Variants in AMY2B observed in about 807,000 individuals in gnomAD.
The protein encoded by AMY2B is amylase alpha 2B.
A neutral mutation model predicts 59.3 loss-of-function variants in AMY2B; 63 were observed. That is an observed-to-expected ratio of 1.06 (90% CI 0.87 to 1.31). The LOEUF is 1.31. AMY2B is among the 50% of genes most tolerant of loss of function. The pLI, the probability that AMY2B is intolerant of heterozygous loss-of-function variation, is 0.00. For missense variants in AMY2B, 635 were observed against 626.7 expected, an observed-to-expected ratio of 1.01 and a Z score of -0.14; for synonymous variants, 180 against 198.1, an observed-to-expected ratio of 0.91 and a Z score of 0.77.
At chr1:103,555,873 C>G (rs1444543071) in intron 1 of AMY2B, among the ~76,000 whole-genome samples, 1 of 151,954 alleles carries the variant, frequency 6.6e-6, no homozygotes, top group South Asian at 2.1e-4. Context: ...CAGACTGATT[C>G]AGTAGAGAGA....
chr1:103,555,460 G>GT lies in AMY2B; in HGVS notation c.-207+357dup, dbSNP rs1239014908. Among the ~76,000 whole-genome samples the GT allele has an allele frequency of 2.6e-5, 4 of 151,820 alleles. No individual in the cohort carries two copies. In the East Asian group the frequency reaches 7.7e-4, roughly 29 times the overall value. ...GGCTTTGAGTTTTACTGGGCTTTTG[G>GT]TTTTTTGGAAATGGGGGTTTATCCC... is the stretch of plus-strand genomic sequence containing the variant. On this transcript the variant is annotated intron_variant, in intron 1 of 11. Coordinates refer to the AMY2B transcript ENST00000361355.
At chr1:103,571,303 T>C (rs1159706297), upstream of AMY2B, 3 of 789,704 alleles carry the variant, frequency 3.8e-6, no homozygotes, top group Non-Finnish European at 5.4e-6. Flanking sequence ...ACAACAAATT[T>C]TGGTTTTCTA....
At position 103,571,960 on chromosome 1, in the gene AMY2B, A is replaced by C. The variant is rs866767479; in HGVS notation, c.169-150A>C. 9.0e-5 allele frequency: 138 copies of C among 1,534,762 alleles called. No individual in the cohort carries two copies. The Middle Eastern group carries it at 1.7e-3, about 19-fold the overall frequency. The stretch of plus-strand genomic sequence containing the variant: ...TTTGTTTCTGAGATAATCTTTCTTC[A>C]ACAAGAGCCCTCCAATGTGCTGTTA... On this transcript the variant is annotated intron_variant, in intron 1 of 9. Coordinates refer to ENST00000684275, the MANE Select transcript of AMY2B (RefSeq NM_001387437.1).
intron 7 of AMY2B, chr1:103,575,776 G>C: frequency 1.6e-5 from 5 of 318,382 alleles, no homozygotes; most frequent in Non-Finnish European, 1.6e-5. Flanking sequence ...TAGCCCACAG[G>C]AAAAAAAAAA....
In AMY2B at chr1:103,579,349, G is replaced by C. The variant is rs758807572; in HGVS notation, c.1385G>C (p.Gly462Ala). 1.9e-6 allele frequency: 3 copies of C among 1,611,708 alleles called. No individual in the cohort carries two copies. Among genetic ancestry groups the C allele is most frequent in the East Asian group, 2.2e-5 (1 of 44,828 alleles). ...ACTTTGCAAACTGGTCTTCCTGCTG[G>C]CACATACTGTGATGTCATTTCTGGA... ...SLTLQTGLPA[G>A]TYCDVISGDK... Residue 462 changes from glycine to alanine, a missense_variant, in exon 10 of 10, where the codon GGC (glycine) becomes GCC (alanine). Physicochemically the swap from Gly to Ala is moderately conservative, Grantham distance 60 (BLOSUM62 0). Coordinates refer to ENST00000684275, the MANE Select transcript of AMY2B (RefSeq NM_001387437.1).
chr1:103,574,133 A>G (rs1359210637), intron 4 of AMY2B, 127 bp from the exon 5 acceptor site: 3 of 1,485,808 alleles, frequency 2.0e-6, no homozygotes, highest in Non-Finnish European at 2.7e-6. Context: ...AAAAGAAATA[A>G]TAAATAGCTT....
upstream of AMY2B, among the ~76,000 whole-genome samples, chr1:103,566,957 G>A (rs1481215612): frequency 6.6e-6 from 1 of 152,070 alleles, no homozygotes; most frequent in African/African-American, 2.4e-5. Context: ...ATAAGACAAT[G>A]TCAATCATTT....
Position 103,575,429 on chromosome 1 carries a change from T to C in AMY2B, c.1002-12T>C. 6.2e-7 allele frequency: 1 copy of C among 1,613,454 alleles called. No homozygotes were observed. Among genetic ancestry groups the C allele is most frequent in the South Asian group, 1.1e-5 (1 of 90,914 alleles). ...CTGATATTCTGTGATAATATAATTA[T>C]GTAACTTTCAGGCTGTATAAAATGG... On this transcript the variant is annotated splice_polypyrimidine_tract_variant and intron_variant, in intron 6 of 9. Transcript: ENST00000684275.
At chr1:103,570,167 G>A (rs532769149), upstream of AMY2B, 195 of 463,032 alleles carry the variant, frequency 4.2e-4, 2 homozygotes, top group African/African-American at 2.9e-3. Context: ...ACTGCCGAGC[G>A]GGAGATCAGA....
At chr1:103,561,361 G>A (rs1255262842) in intron 1 of AMY2B, among the ~76,000 whole-genome samples, 2 of 152,012 alleles carry the variant, frequency 1.3e-5, no homozygotes, top group African/African-American at 2.4e-5. Context: ...TCCACCTCCT[G>A]GGTTCAAGCA....
intron 1 of AMY2B, 123 bp downstream of exon 1, chr1:103,571,893 T>C: frequency 1.4e-5 from 23 of 1,587,866 alleles, no homozygotes; most frequent in Middle Eastern, 2.3e-4. Flanking sequence ...AGTAAGAGTT[T>C]TCTGAGGAAA....
Position 103,571,711 on chromosome 1 carries a change from G to A in AMY2B, c.109G>A (p.Val37Ile). ...SIVHLFEWRW[V>I]DIALECERYL... Reference sequence around the variant, plus strand: ...TGTTCATCTGTTTGAATGGCGATGGGTTGATATTGCTCTTGAATGTGAGCG... The same window carrying A: ...TGTTCATCTGTTTGAATGGCGATGGATTGATATTGCTCTTGAATGTGAGCG... Residue 37 changes from valine to isoleucine, a missense_variant, in exon 1 of 10, where the codon GTT becomes ATT. Val to Ile is a conservative substitution (Grantham distance 29). Coordinates refer to ENST00000684275, the MANE Select transcript of AMY2B (RefSeq NM_001387437.1). 4.3e-6 allele frequency: 7 copies of A among 1,611,948 alleles called. No homozygotes were observed. The highest frequency in any genetic ancestry group is 5.9e-6 in the Non-Finnish European group (7 of 1,179,826).
chr1:103,556,172 A>T (rs1651540558), intron 1 of AMY2B, among the ~76,000 whole-genome samples: 1 of 151,736 alleles, frequency 6.6e-6, no homozygotes, highest in Non-Finnish European at 1.5e-5. Flanking sequence ...GTAGGAAAGT[A>T]AACATACTCT....
At chr1:103,555,458 T>TAA (rs1651519715) in intron 1 of AMY2B, among the ~76,000 whole-genome samples, 1 of 152,120 alleles carries the variant, frequency 6.6e-6, no homozygotes, top group Non-Finnish European at 1.5e-5. Context: ...ACTGGGCTTT[T>TAA]GGTTTTTTGG....
At chr1:103,567,577 C>T (rs898352754), upstream of AMY2B, among the ~76,000 whole-genome samples, 4 of 152,176 alleles carry the variant, frequency 2.6e-5, no homozygotes, top group Non-Finnish European at 5.9e-5. Context: ...AGCCACTCAC[C>T]TCTTTCCTGG....
At chr1:103,564,700 A>C (rs929257228) in intron 1 of AMY2B, among the ~76,000 whole-genome samples, 1 of 152,106 alleles carries the variant, frequency 6.6e-6, no homozygotes, top group South Asian at 2.1e-4. Flanking sequence ...TGTTCTGTTC[A>C]GTGTCTGTGT....
intron 1 of AMY2B, among the ~76,000 whole-genome samples, chr1:103,563,971 G>T (rs1363557369): frequency 1.3e-5 from 2 of 152,070 alleles, no homozygotes; most frequent in African/African-American, 4.8e-5. Context: ...AGTTAAGAAG[G>T]GTAGAATGGG....
intron 9 of AMY2B, among the ~76,000 whole-genome samples, chr1:103,578,478 A>G (rs972361850): frequency 1.8e-4 from 28 of 152,184 alleles, no homozygotes; most frequent in Non-Finnish European, 4.0e-4. Context: ...TCCCTAACCT[A>G]TAGCTCAGAA....
At position 103,575,342 on chromosome 1, in the gene AMY2B, C is replaced by T; in HGVS notation, c.998C>T (p.Ala333Val). The change falls in exon 6 of 10, where the codon GCT becomes GTT. Residue 333 changes from alanine (A) to valine (V), a missense_variant. Coordinates refer to ENST00000684275, the MANE Select transcript of AMY2B (RefSeq NM_001387437.1). ...GCCTCTATTCTTACCTTCTGGGATGCTAGGTAGAAAACCAAGTTCTCTATT... is the reference window on the plus strand; with the variant it reads ...GCCTCTATTCTTACCTTCTGGGATGTTAGGTAGAAAACCAAGTTCTCTATT... ...GGASILTFWD[A>V]RLYKMAVGFM... is the part of the protein sequence containing the mutation. 6.2e-7 allele frequency: 1 copy of T among 1,613,328 alleles called. No homozygotes were observed.
Sources: allele counts gnomAD v4.1 joint callset (sites outside exome capture counted in the v4.1 genomes callset), GRCh38; gene constraint gnomAD v4.1.1; transcripts MANE v1.5; gene names NCBI Gene and HGNC (gene_info 2026-07-23, HGNC 2026-07-21).